KLHL4: variants seen among roughly 807,000 people sequenced by gnomAD.
KLHL4 encodes kelch-like protein 4.
In KLHL4, 17 loss-of-function variants were observed where a neutral mutation model predicts 45.8. That is an observed-to-expected ratio of 0.37 (90% confidence interval 0.25 to 0.56). The LOEUF (loss-of-function observed/expected upper bound fraction) is 0.56, where lower values mean the gene tolerates loss of function less well. Ranked by LOEUF, KLHL4 falls within the 20% of genes least tolerant of loss-of-function variation. The pLI is 0.79. For missense variants in KLHL4, 544 were observed against 544.9 expected (o/e 1.00, Z 0.02); for synonymous variants, 224 against 189.9 (o/e 1.18, Z -1.47).
chrX:87,568,684 C>T (rs1292237901), intron 1 of KLHL4, among the ~76,000 whole-genome samples: 3 of 111,069 alleles, frequency 2.7e-5, no homozygotes, highest in Non-Finnish European at 5.7e-5. Flanking sequence ...AGCTTCAGAA[C>T]TAAACCCCAT....
At chrX:87,602,455 G>C (rs1271860982) in intron 1 of KLHL4, among the ~76,000 whole-genome samples, 3 of 110,630 alleles carry the variant, frequency 2.7e-5, no homozygotes, top group Non-Finnish European at 5.7e-5. Flanking sequence ...TTTATATTTT[G>C]TACTGTATTT....
chrX:87,556,787 C>T (rs1312905546), intron 1 of KLHL4, among the ~76,000 whole-genome samples: 1 of 110,405 alleles, frequency 9.1e-6, no homozygotes, highest in Non-Finnish European at 1.9e-5. Flanking sequence ...TGCCATATCA[C>T]ATGGCAGAGT....
chrX:87,574,418 A>G (rs144044335), intron 1 of KLHL4, among the ~76,000 whole-genome samples: 174 of 111,875 alleles, frequency 1.6e-3, no homozygotes, highest in Middle Eastern at 4.6e-3. Flanking sequence ...AAACAATGAT[A>G]GCATCCAAAC....
At chrX:87,572,155 G>A (rs1364919040) in intron 1 of KLHL4, among the ~76,000 whole-genome samples, 1 of 111,461 alleles carries the variant, frequency 9.0e-6, no homozygotes, top group East Asian at 2.8e-4. Flanking sequence ...TTTACCAAGA[G>A]AATTACATCT....
intron 1 of KLHL4, among the ~76,000 whole-genome samples, chrX:87,527,065 A>G (rs778723711): frequency 2.7e-5 from 3 of 112,123 alleles, no homozygotes; most frequent in Admixed American, 9.4e-5. Flanking sequence ...GGAAAAATTT[A>G]TCATTGAAAT....
intron 10 of KLHL4, 78 bp from the exon 11 acceptor site, chrX:87,666,397 A>G (rs1924369382): frequency 9.3e-6 from 9 of 962,722 alleles, no homozygotes; most frequent in Non-Finnish European, 1.3e-5. Flanking sequence ...GACTTCTTCA[A>G]CTATATTGAA....
chrX:87,611,813 G>A (rs931611156), intron 1 of KLHL4, among the ~76,000 whole-genome samples: 1 of 110,768 alleles, frequency 9.0e-6, no homozygotes, highest in South Asian at 3.8e-4. Context: ...AAAGCTCCAC[G>A]TGTCTTATTG....
At chrX:87,604,669 C>G (rs185360027) in intron 1 of KLHL4, among the ~76,000 whole-genome samples, 19 of 110,661 alleles carry the variant, frequency 1.7e-4, no homozygotes, top group African/African-American at 6.2e-4. Flanking sequence ...AGGTATTAAC[C>G]CCTTGTCAGC....
intron 6 of KLHL4, among the ~76,000 whole-genome samples, chrX:87,629,021 G>A (rs2147822099): frequency 8.9e-6 from 1 of 111,954 alleles, no homozygotes; most frequent in South Asian, 3.7e-4. Context: ...TAAAGCATAT[G>A]GCAGGAGACA....
intron 1 of KLHL4, among the ~76,000 whole-genome samples, chrX:87,582,929 G>T (rs990528523): frequency 1.8e-5 from 2 of 111,497 alleles, no homozygotes; most frequent in African/African-American, 6.5e-5. Flanking sequence ...TCCCTTATTT[G>T]TCCCCTCCCA....
At chrX:87,535,891 C>T (rs906500280) in intron 1 of KLHL4, among the ~76,000 whole-genome samples, 7 of 109,862 alleles carry the variant, frequency 6.4e-5, no homozygotes, top group Admixed American at 9.9e-5. Context: ...AGCGCCTCCC[C>T]GTCTCTTTTG....
intron 1 of KLHL4, among the ~76,000 whole-genome samples, chrX:87,551,130 G>T (rs1474841998): frequency 9.1e-6 from 1 of 110,441 alleles, no homozygotes; most frequent in Non-Finnish European, 1.9e-5. Flanking sequence ...CCTCCAAAAA[G>T]CTCCTAGAAA....
At chrX:87,570,442 A>G (rs1010838651) in intron 1 of KLHL4, among the ~76,000 whole-genome samples, 4 of 110,617 alleles carry the variant, frequency 3.6e-5, no homozygotes, top group Non-Finnish European at 7.6e-5. Flanking sequence ...AGGTTCATGG[A>G]ATTGAGAGAA....
chrX:87,526,537 A>C (rs1162597622), intron 1 of KLHL4, among the ~76,000 whole-genome samples: 2 of 112,153 alleles, frequency 1.8e-5, no homozygotes, highest in Non-Finnish European at 3.8e-5. Context: ...AAAGAAAAGA[A>C]AGTCTTTCTG....
chrX:87,556,387 T>C (rs1602415047), intron 1 of KLHL4, among the ~76,000 whole-genome samples: 1 of 108,890 alleles, frequency 9.2e-6, no homozygotes, highest in Non-Finnish European at 1.9e-5. Flanking sequence ...ATGGATGAAA[T>C]TGGAAATCAT....
intron 7 of KLHL4, among the ~76,000 whole-genome samples, chrX:87,632,831 T>A (rs1923141691): frequency 9.0e-6 from 1 of 111,552 alleles, no homozygotes; most frequent in Non-Finnish European, 1.9e-5. Context: ...CCTGAATATT[T>A]GTCAGGATAC....
At chrX:87,520,977 G>T (rs934676035) in intron 1 of KLHL4, among the ~76,000 whole-genome samples, 1 of 111,987 alleles carries the variant, frequency 8.9e-6, no homozygotes, top group Non-Finnish European at 1.9e-5. Context: ...TACTGAAAGA[G>T]ATGTCGTGAT....
At chrX:87,590,306 C>T (rs1186433320) in intron 1 of KLHL4, among the ~76,000 whole-genome samples, 3 of 109,274 alleles carry the variant, frequency 2.7e-5, no homozygotes, top group Admixed American at 9.9e-5. Flanking sequence ...CAGCCAAACC[C>T]CCCCAGAAAA....
intron 1 of KLHL4, among the ~76,000 whole-genome samples, chrX:87,563,809 C>CA (rs1932152198): frequency 9.0e-6 from 1 of 110,691 alleles, no homozygotes; most frequent in African/African-American, 3.3e-5. Context: ...ATTTAAGAAT[C>CA]AAACTCCCAA....
Sources: gnomAD v4.1 joint callset for allele counts (sites outside exome capture counted in the v4.1 genomes callset) on GRCh38, gnomAD v4.1.1 for gene constraint, MANE v1.5 for transcripts, NCBI Gene and HGNC (gene_info 2026-07-23, HGNC 2026-07-21) for gene names.